RPH3AL: variants seen among roughly 807,000 people sequenced by gnomAD.
The protein encoded by RPH3AL is rabphilin 3A like (without C2 domains), also known as rab effector Noc2.
RPH3AL carries 38 observed loss-of-function variants against 43.1 expected under a neutral mutation model. The observed-to-expected ratio is 0.88, with a 90% confidence interval of 0.68 to 1.15. The LOEUF (loss-of-function observed/expected upper bound fraction) is 1.15. Among genes scored for constraint, RPH3AL ranks in the 50% most tolerant of loss-of-function variants. RPH3AL has a pLI of 0.00. For missense variants in RPH3AL, 462 were observed against 423.2 expected (o/e 1.09, Z -0.81); for synonymous variants, 189 against 176.3 (o/e 1.07, Z -0.57).
In RPH3AL at chr17:290,271, C is replaced by T. The variant is rs1414285586; in HGVS notation, c.352-8417G>A. On this transcript the variant is annotated intron_variant, in intron 5 of 9. Transcript: ENST00000331302. The surrounding 1 kb of genome is among the most constrained non-coding windows in gnomAD (Gnocchi z 4.2). Reference sequence around the variant, plus strand: ...GGAGGCCAAACCAGGGAGAGCCACACAGCGGGCAAGTGTCCGAGGAGGTGG... The same window carrying T: ...GGAGGCCAAACCAGGGAGAGCCACATAGCGGGCAAGTGTCCGAGGAGGTGG... Among the ~76,000 whole-genome samples, 1 of 152,214 alleles carries T rather than the reference C, an allele frequency of 6.6e-6. No homozygotes were observed. The highest frequency in any genetic ancestry group is 1.5e-5 in the Non-Finnish European group (1 of 68,038).
chr17:279,106 T>G (rs1202413264), intron 6 of RPH3AL, among the ~76,000 whole-genome samples: 65 of 152,298 alleles, frequency 4.3e-4, no homozygotes, highest in Non-Finnish European at 7.4e-5. Flanking sequence ...CATCACAGAC[T>G]CAGAACCAGC....
chr17:283,363 C>T lies in RPH3AL; in HGVS notation c.352-1509G>A, dbSNP rs60024313. On this transcript the variant is annotated intron_variant, in intron 5 of 9. Coordinates refer to ENST00000331302, the MANE Select transcript of RPH3AL (RefSeq NM_006987.4). The surrounding 1 kb of genome is among the most constrained non-coding windows in gnomAD (Gnocchi z 4.2). Reference sequence around the variant, plus strand: ...CCCCTGGGGTGGGGGAGCAAACTCACGGGGGACGGAAGCTATGATACATTC... The same window carrying T: ...CCCCTGGGGTGGGGGAGCAAACTCATGGGGGACGGAAGCTATGATACATTC... Among the ~76,000 whole-genome samples the T allele has an allele frequency of 4.1e-4, 62 of 152,230 alleles. No homozygotes were observed. In the East Asian group the frequency reaches 0.01, roughly 26 times the overall value.
At chr17:224,362 T>C (rs899107743) in intron 7 of RPH3AL, among the ~76,000 whole-genome samples, 2 of 152,236 alleles carry the variant, frequency 1.3e-5, no homozygotes, top group East Asian at 1.9e-4. Flanking sequence ...CTCCTGCGGC[T>C]TGTGGCTCCT....
At chr17:242,232 G>A (rs1274664264) in intron 7 of RPH3AL, among the ~76,000 whole-genome samples, 2 of 152,048 alleles carry the variant, frequency 1.3e-5, no homozygotes. Flanking sequence ...TTCATGACTT[G>A]TAGTATCTAT....
chr17:310,377 C>T (rs78087852), intron 5 of RPH3AL, among the ~76,000 whole-genome samples: 10,113 of 152,218 alleles, frequency 0.066, 558 homozygotes, highest in African/African-American at 0.15. Context: ...GCCAGGGCTC[C>T]TGCTGGGGGC....
intron 7 of RPH3AL, among the ~76,000 whole-genome samples, chr17:222,422 C>G (rs72815384): frequency 6.6e-6 from 1 of 152,220 alleles, no homozygotes; most frequent in African/African-American, 2.4e-5. Context: ...ACAGTGCAGT[C>G]TCACAAATGC....
rs568863977 is a variant in RPH3AL, at chr17:212,627, G to A, written c.*1225C>T. On this transcript the variant is annotated 3_prime_UTR_variant, in exon 10 of 10. Transcript: ENST00000331302. ...GGCCCAGGAGCTCCCAGCTTGGAGA[G>A]AAGGCCCTTCCAGACCCAGGAACCC... 1 of 152,102 alleles carries A rather than the reference G, an allele frequency of 6.6e-6. No homozygotes were observed. The highest frequency in any genetic ancestry group is 6.5e-5 in the Admixed American group (1 of 15,276). 9.4% of individuals were successfully genotyped at this position (152,102 alleles called of 1,614,324 possible). A position where few individuals can be genotyped will look rare whatever the true frequency, so the allele number is the denominator to read the frequency against.
rs548288556 is a variant in RPH3AL at position 251,947 on chromosome 17, C to T, written c.439-4662G>A. ...CGCACGCCACACTGTCTCCCCCACC[C>T]GCCTTGGAAGTTTTCTCTTTTTTTT... On this transcript the variant is annotated intron_variant, in intron 6 of 9. Coordinates refer to ENST00000331302, the MANE Select transcript of RPH3AL (RefSeq NM_006987.4). Among the ~76,000 whole-genome samples, 6 of 151,300 alleles carry T rather than the reference C, an allele frequency of 4.0e-5. No homozygotes were observed. The South Asian group carries it at 8.4e-4, about 21-fold the overall frequency.
At chr17:270,490 T>A (rs1273223799) in intron 6 of RPH3AL, among the ~76,000 whole-genome samples, 1 of 151,612 alleles carries the variant, frequency 6.6e-6, no homozygotes. Flanking sequence ...TGAGGAAGAG[T>A]CTCCCAGCTG....
intron 6 of RPH3AL, among the ~76,000 whole-genome samples, chr17:265,753 T>A (rs532115687): frequency 2.0e-5 from 3 of 152,244 alleles, no homozygotes; most frequent in African/African-American, 4.8e-5. Context: ...TTACTAAGCA[T>A]CTCGTGTACA....
intron 6 of RPH3AL, chr17:247,708 C>T (rs888853079): frequency 1.2e-5 from 2 of 169,472 alleles, no homozygotes; most frequent in Non-Finnish European, 2.5e-5. Context: ...TCAATATGGG[C>T]CTGGCATGTG....
chr17:347,962 T>G (rs1386539977), intron 1 of RPH3AL, among the ~76,000 whole-genome samples: 1 of 150,542 alleles, frequency 6.6e-6, no homozygotes, highest in East Asian at 1.9e-4. Context: ...GGCTAGGAGT[T>G]CAAGGCCAGC....
intron 5 of RPH3AL, among the ~76,000 whole-genome samples, chr17:312,908 G>T (rs1368368485): frequency 1.3e-5 from 2 of 152,204 alleles, no homozygotes; most frequent in Non-Finnish European, 2.9e-5. Flanking sequence ...GCCGTGCCAG[G>T]TGCTTGCAGG....
chr17:244,968 G>A (rs2041712415), intron 7 of RPH3AL, among the ~76,000 whole-genome samples: 1 of 152,292 alleles, frequency 6.6e-6, no homozygotes, highest in African/African-American at 2.4e-5. Context: ...GTGAGCTTGT[G>A]TGTCTGCATG....
chr17:319,818 G>A (rs2044409202), intron 4 of RPH3AL, among the ~76,000 whole-genome samples: 1 of 138,388 alleles, frequency 7.2e-6, no homozygotes, highest in Non-Finnish European at 1.5e-5. Flanking sequence ...CCTTCAATAA[G>A]GAAGAAAATT....
intron 7 of RPH3AL, among the ~76,000 whole-genome samples, chr17:239,264 G>A (rs78962912): frequency 0.048 from 7,247 of 151,984 alleles, 239 homozygotes; most frequent in South Asian, 0.11. Context: ...ACAGGAACAC[G>A]TCTACTCTTT....
At chr17:291,284 A>C (rs1419654194) in intron 5 of RPH3AL, among the ~76,000 whole-genome samples, 1 of 152,146 alleles carries the variant, frequency 6.6e-6, no homozygotes, top group Non-Finnish European at 1.5e-5. Flanking sequence ...TCCTGCCTGC[A>C]ATCCCAGTGC....
At chr17:221,431 T>C (rs1257014942) in intron 7 of RPH3AL, among the ~76,000 whole-genome samples, 14 of 109,594 alleles carry the variant, frequency 1.3e-4, no homozygotes, top group Non-Finnish European at 7.0e-5. Flanking sequence ...ACTGAGACAA[T>C]AGACCCAAGC....
At chr17:244,444 G>A (rs1165137030) in intron 7 of RPH3AL, among the ~76,000 whole-genome samples, 14 of 152,042 alleles carry the variant, frequency 9.2e-5, no homozygotes, top group Non-Finnish European at 2.9e-5. Flanking sequence ...GAATGGGGGG[G>A]GAGAGGGAGA....
Sources: gnomAD v4.1 joint callset for allele counts (sites outside exome capture counted in the v4.1 genomes callset) on GRCh38, gnomAD v4.1.1 for gene constraint, Gnocchi (gnomAD v3.1) non-coding constraint, MANE v1.5 for transcripts, NCBI Gene and HGNC (gene_info 2026-07-23, HGNC 2026-07-21) for gene names.